The following KLHL35 variants were observed in gnomAD, a reference collection of about 807,000 sequenced individuals.
KLHL35 encodes kelch like family member 35.
KLHL35 carries 50 observed loss-of-function variants against 44.0 expected under a neutral mutation model. That is an observed-to-expected ratio of 1.14 (90% CI 0.91 to 1.44). KLHL35 has a LOEUF of 1.44. Among genes scored for constraint, KLHL35 ranks in the 40% most tolerant of loss-of-function variants. The pLI, the probability that KLHL35 is intolerant of heterozygous loss-of-function variation, is 0.00. For synonymous variants in KLHL35, 470 were observed against 410.4 expected (o/e 1.15, Z -1.76); for missense variants, 1,049 against 887.8 (o/e 1.18, Z -2.31).
intron 4 of KLHL35, chr11:75,426,113 G>A (rs897093230): frequency 2.5e-5 from 4 of 159,994 alleles, no homozygotes; most frequent in South Asian, 3.6e-4. Context: ...CAGCCACCAC[G>A]CCGAGCTAAT....
rs781067910 is a variant in KLHL35, at chr11:75,425,184, G to C, written c.1374+209C>G. Among the ~76,000 whole-genome samples, 16 of 152,342 alleles carry C rather than the reference G, an allele frequency of 1.1e-4. No individual in the cohort carries two copies. The East Asian group carries it at 1.2e-3, about 11-fold the overall frequency. On this transcript the variant is annotated intron_variant, in intron 5 of 6. Coordinates refer to ENST00000539798, the MANE Select transcript of KLHL35 (RefSeq NM_001039548.3). ...TTACATGGCACCAGCCCAAACATTT[G>C]AGTCCCAGTGTGCTGCTGACCCACT...
At position 75,428,554 on chromosome 11, in the gene KLHL35, G is replaced by A. The variant is rs750338906; in HGVS notation, c.954C>T (p.Phe318=). 2 of 1,611,672 alleles carry A rather than the reference G, an allele frequency of 1.2e-6. No homozygotes were observed. Among genetic ancestry groups the A allele is most frequent in the East Asian group, 2.2e-5 (1 of 44,882 alleles). Reference sequence around the variant, plus strand: ...GGCTCTCTGGATGGTAGGCATCGGCGAAGGGCAGCTTCAGGAGACCTTTGC... The same window carrying A: ...GGCTCTCTGGATGGTAGGCATCGGCAAAGGGCAGCTTCAGGAGACCTTTGC... ...CDRKGLLKLP[F]ADAYHPESQR... Residue 318 remains phenylalanine (F), a synonymous_variant, in exon 3 of 7, where the codon TTC becomes TTT. Transcript: ENST00000539798.
intron 3 of KLHL35, 79 bp downstream of exon 3, chr11:75,428,363 G>T: frequency 6.6e-7 from 1 of 1,511,570 alleles, no homozygotes; most frequent in Non-Finnish European, 9.0e-7. Flanking sequence ...TCTCCCGATT[G>T]GAGGGAAAAG....
chr11:75,422,424 T>C lies in KLHL35; in HGVS notation c.*156A>G. ...CATTCCATCTCCAGGCAGGGCAGAC[T>C]GCAGCTGGAACACAGACCCAACAAG... On this transcript the variant is annotated 3_prime_UTR_variant, in exon 7 of 7. Coordinates refer to ENST00000539798, the MANE Select transcript of KLHL35 (RefSeq NM_001039548.3). The C allele has an allele frequency of 1.5e-6, 1 of 664,552 alleles. No homozygotes were observed. The highest frequency in any genetic ancestry group is 2.5e-6 in the Non-Finnish European group (1 of 397,286). The allele number at this position is 664,552 out of a possible 1,614,324, so 41.2% of individuals were successfully genotyped here. A position where few individuals can be genotyped will look rare whatever the true frequency, so the allele number is the denominator to read the frequency against.
rs114380665 is a variant in KLHL35 at position 75,431,037 on chromosome 11, G to C, written c.-1-407C>G. Among the ~76,000 whole-genome samples, 909 of 152,312 alleles carry C rather than the reference G, an allele frequency of 6.0e-3. 7 individuals are homozygous for C. Among genetic ancestry groups the C allele is most frequent in the African/African-American group, 0.021 (875 of 41,564 alleles). ...CAGCAGGGCGCCTTGGCCGCCCCGGGGTCTGTAGCGGGAGAGCAGGGAAGT... is the reference window on the plus strand; with the variant it reads ...CAGCAGGGCGCCTTGGCCGCCCCGGCGTCTGTAGCGGGAGAGCAGGGAAGT... On this transcript the variant is annotated intron_variant, in intron 1 of 6. Transcript: ENST00000539798.
At chr11:75,426,814 G>C (rs1736513341) in intron 3 of KLHL35, 176 bp from the exon 4 acceptor site, 1 of 507,942 alleles carries the variant, frequency 2.0e-6, no homozygotes, top group Non-Finnish European at 3.6e-6. Flanking sequence ...TGAATAAGTG[G>C]TGGGAATGTC....
chr11:75,430,226 A>G lies in KLHL35; in HGVS notation c.404T>C (p.Val135Ala), dbSNP rs867710496. Residue 135 changes from valine (V) to alanine (A), a missense_variant, in exon 2 of 7, where the codon GTG becomes GCG. Val to Ala is a moderately conservative substitution (Grantham distance 64). Transcript: ENST00000539798. ...CACGCAGGCCTCGCGCAGGCCCGCC[A>G]CGCCCAGCCGCTCCGCCAGCGCCAG... ...AVLALAERLG[V>A]AGLREACVRF... 3 of 1,220,550 alleles carry G rather than the reference A, an allele frequency of 2.5e-6. No homozygotes were observed. The highest frequency in any genetic ancestry group is 5.1e-5 in the South Asian group (2 of 39,290). The allele number at this position is 1,220,550 out of a possible 1,614,324, so 75.6% of individuals were successfully genotyped here.
At position 75,425,502 on chromosome 11, in the gene KLHL35, G is replaced by T; in HGVS notation, c.1265C>A (p.Ala422Glu). ...GGCCTCCGGGAGGGGCGCGGCGGCC[G>T]CCCAGGTGTTGGAGAAGGGGTCGTA... ...ERYDPFSNTW[A>E]AAAPLPEAVS... The change falls in exon 5 of 7, where the codon GCG becomes GAG. Residue 422 changes from alanine (A) to glutamate (E), a missense_variant. By Grantham distance (107) the Ala-to-Glu change is moderately radical (BLOSUM62 -1). Coordinates refer to ENST00000539798, the MANE Select transcript of KLHL35 (RefSeq NM_001039548.3). The T allele has an allele frequency of 6.4e-7, 1 of 1,561,236 alleles. No homozygotes were observed.
In KLHL35 at chr11:75,422,678, A is replaced by C; in HGVS notation, c.1654T>G (p.Phe552Val). Residue 552 changes from phenylalanine to valine, a missense_variant, in exon 7 of 7, where the codon TTT (phenylalanine) becomes GTT (valine). By Grantham distance (50) the Phe-to-Val change is conservative (BLOSUM62 -1). Coordinates refer to ENST00000539798, the MANE Select transcript of KLHL35 (RefSeq NM_001039548.3). ...RGESTDKVFTFDPSSGQVEVQ... is the reference protein window; with the variant it reads ...RGESTDKVFTVDPSSGQVEVQ... ...TCCACCTGCCCACTGCTGGGGTCAA[A>C]GGTGAAGACCTTATCGGTGCTTTCT... The C allele has an allele frequency of 6.2e-7, 1 of 1,614,052 alleles. No individual in the cohort carries two copies. Among genetic ancestry groups the C allele is most frequent in the Non-Finnish European group, 8.5e-7 (1 of 1,179,904 alleles).
Position 75,430,569 on chromosome 11 carries a change from G to T in KLHL35, c.61C>A (p.Pro21Thr). ...EPGCEAPCAG[P>T]CHAQRVLQAL... is the part of the protein sequence containing the mutation. Reference sequence around the variant, plus strand: ...TGCAGCACGCGCTGCGCGTGGCACGGACCCGCGCACGGCGCTTCGCAGCCC... The same window carrying T: ...TGCAGCACGCGCTGCGCGTGGCACGTACCCGCGCACGGCGCTTCGCAGCCC... The change falls in exon 2 of 7, where the codon CCG becomes ACG. Residue 21 changes from proline to threonine, a missense_variant. Physicochemically the swap from Pro to Thr is conservative, Grantham distance 38. Coordinates refer to ENST00000539798, the MANE Select transcript of KLHL35 (RefSeq NM_001039548.3). The T allele has an allele frequency of 6.9e-7, 1 of 1,452,306 alleles. No homozygotes were observed. The highest frequency in any genetic ancestry group is 9.0e-7 in the Non-Finnish European group (1 of 1,107,768). 90.0% of individuals were successfully genotyped at this position (1,452,306 alleles called of 1,614,324 possible).
In KLHL35 at chr11:75,425,494, C is replaced by T. The variant is rs763517524; in HGVS notation, c.1273G>A (p.Ala425Thr). The T allele has an allele frequency of 3.2e-6, 5 of 1,562,334 alleles. No homozygotes were observed. Among genetic ancestry groups the T allele is most frequent in the South Asian group, 2.3e-5 (2 of 85,312 alleles). The part of the protein sequence containing the change: ...DPFSNTWAAA[A>T]PLPEAVSSAA... ...GAGCTCACGGCCTCCGGGAGGGGCG[C>T]GGCGGCCGCCCAGGTGTTGGAGAAG... Residue 425 changes from alanine (A) to threonine (T), a missense_variant, in exon 5 of 7, where the codon GCG becomes ACG. Ala to Thr is a moderately conservative substitution (Grantham distance 58). Transcript: ENST00000539798.
Position 75,430,096 on chromosome 11 carries a change from CA to C in KLHL35, c.533del (p.Leu178ArgfsTer121). On this transcript the variant is annotated frameshift_variant, in exon 2 of 7. Coordinates refer to ENST00000539798, the MANE Select transcript of KLHL35 (RefSeq NM_001039548.3). LOFTEE classifies it high-confidence loss of function. The part of the protein sequence containing the change: ...APLAERCGRV[L>X]RQAFAEVARH... ...GCGCCACCTCGGCGAAGGCCTGACG[CA>C]GGACGCGGCCGCAGCGCTCGGCCAG... 1 of 1,334,430 alleles carries C rather than the reference CA, an allele frequency of 7.5e-7. No homozygotes were observed. Among genetic ancestry groups the C allele is most frequent in the South Asian group, 1.8e-5 (1 of 54,362 alleles). 82.7% of individuals were successfully genotyped at this position (1,334,430 alleles called of 1,614,324 possible).
chr11:75,426,747 C>T, intron 3 of KLHL35, 109 bp from the exon 4 acceptor site: 1 of 666,408 alleles, frequency 1.5e-6, no homozygotes, highest in Non-Finnish European at 2.6e-6. Flanking sequence ...TAAGGGAAGG[C>T]AGCAGGAGGA....
In KLHL35 at chr11:75,425,529, C is replaced by G. The variant is rs762831462; in HGVS notation, c.1238G>C (p.Arg413Pro). 8 of 1,543,656 alleles carry G rather than the reference C, an allele frequency of 5.2e-6. No homozygotes were observed. Among genetic ancestry groups the G allele is most frequent in the Non-Finnish European group, 6.1e-6 (7 of 1,154,186 alleles). Reference sequence around the variant, plus strand: ...CCAGGTGTTGGAGAAGGGGTCGTAGCGCTCCACGCTGTGCAGGCGCCTCAG... The same window carrying G: ...CCAGGTGTTGGAGAAGGGGTCGTAGGGCTCCACGCTGTGCAGGCGCCTCAG... ...DGLRRLHSVERYDPFSNTWAA... is the reference protein window; with the variant it reads ...DGLRRLHSVEPYDPFSNTWAA... The change falls in exon 5 of 7, where the codon CGC becomes CCC. Residue 413 changes from arginine (R) to proline (P), a missense_variant. Transcript: ENST00000539798.
rs1189101692 is a variant in KLHL35 at position 75,430,608 on chromosome 11, C to T, written c.22G>A (p.Glu8Lys). Reference protein sequence around the residue: MRQGHAPEESEPGCEAPC... With the variant: MRQGHAPKESEPGCEAPC... ...GCTTCGCAGCCCGGCTCCGACTCCT[C>T]CGGCGCATGGCCTTGCCGCATCCTG... is the stretch of plus-strand genomic sequence containing the variant. Residue 8 changes from glutamate (E) to lysine (K), a missense_variant, in exon 2 of 7, where the codon GAG becomes AAG. Physicochemically the swap from Glu to Lys is moderately conservative, Grantham distance 56 (BLOSUM62 1). Transcript: ENST00000539798. 3 of 1,410,228 alleles carry T rather than the reference C, an allele frequency of 2.1e-6. No homozygotes were observed. The highest frequency in any genetic ancestry group is 3.0e-5 in the East Asian group (1 of 33,032). 87.4% of individuals were successfully genotyped at this position (1,410,228 alleles called of 1,614,324 possible).
At chr11:75,428,717 C>G in intron 2 of KLHL35, 91 bp from the exon 3 acceptor site, 1 of 1,170,576 alleles carries the variant, frequency 8.5e-7, no homozygotes, top group Non-Finnish European at 1.2e-6. Flanking sequence ...TCCCGCTGCC[C>G]TTTCATGCGT....
At position 75,422,510 on chromosome 11, in the gene KLHL35, G is replaced by C; in HGVS notation, c.*70C>G. On this transcript the variant is annotated 3_prime_UTR_variant, in exon 7 of 7. Transcript: ENST00000539798. ...AGGGCTGTTTGCGTGGAGGTGCCAT[G>C]AGGGAGCAGAGTGTGCATCTGAGCT... The C allele has an allele frequency of 6.9e-7, 1 of 1,447,110 alleles. No individual in the cohort carries two copies. Among genetic ancestry groups the C allele is most frequent in the Non-Finnish European group, 9.6e-7 (1 of 1,045,958 alleles). 89.6% of individuals were successfully genotyped at this position (1,447,110 alleles called of 1,614,324 possible).
At chr11:75,429,706 C>T in intron 2 of KLHL35, 43 bp downstream of exon 2, 3 of 1,411,660 alleles carry the variant, frequency 2.1e-6, no homozygotes, top group Non-Finnish European at 9.2e-7. Flanking sequence ...TGGAAGCAGG[C>T]GGGAAGAACG....
intron 2 of KLHL35, among the ~76,000 whole-genome samples, chr11:75,428,860 G>C (rs4595570): frequency 6.6e-6 from 1 of 150,618 alleles, no homozygotes; most frequent in African/African-American, 2.4e-5. Context: ...CTAAACTACA[G>C]AAAAAAAAAT....
Sources: allele counts gnomAD v4.1 joint callset (sites outside exome capture counted in the v4.1 genomes callset), GRCh38; gene constraint gnomAD v4.1.1; transcripts MANE v1.5; gene names NCBI Gene and HGNC (gene_info 2026-07-23, HGNC 2026-07-21).